Variants in CTNND2 observed in about 807,000 individuals in gnomAD.
The protein encoded by CTNND2 is catenin delta 2, also known as catenin delta-2.
CTNND2 carries 22 observed loss-of-function variants against 144.4 expected under a neutral mutation model. The observed-to-expected ratio is 0.15, with a 90% confidence interval of 0.11 to 0.22. CTNND2 has a LOEUF of 0.22. Ranked by LOEUF, CTNND2 falls within the 10% of genes least tolerant of loss-of-function variation. The pLI, the probability that CTNND2 is intolerant of heterozygous loss-of-function variation, is 1.00. For synonymous variants in CTNND2, 751 were observed against 695.6 expected, an observed-to-expected ratio of 1.08 and a Z score of -1.25; for missense variants, 1,353 against 1,618.8, an observed-to-expected ratio of 0.84 and a Z score of 2.82.
chr5:11,120,121 A>T (rs546417099), intron 12 of CTNND2, among the ~76,000 whole-genome samples: 1 of 152,354 alleles, frequency 6.6e-6, no homozygotes, highest in African/African-American at 2.4e-5. Context: ...ATTGGCTACT[A>T]TATTACAATG....
chr5:11,716,894 A>T (rs1786383256), intron 2 of CTNND2, among the ~76,000 whole-genome samples: 1 of 151,284 alleles, frequency 6.6e-6, no homozygotes. Flanking sequence ...TTTGAGATGG[A>T]GTCTCACTTT....
At chr5:11,793,910 G>A (rs2126873620) in intron 1 of CTNND2, among the ~76,000 whole-genome samples, 1 of 152,298 alleles carries the variant, frequency 6.6e-6, no homozygotes, top group South Asian at 2.1e-4. Flanking sequence ...TCATGTGACA[G>A]TTTTCATAGA....
intron 9 of CTNND2, among the ~76,000 whole-genome samples, chr5:11,276,545 C>T (rs1207091271): frequency 2.0e-5 from 3 of 152,168 alleles, no homozygotes; most frequent in African/African-American, 7.2e-5. Flanking sequence ...ATGGTATTCC[C>T]ATCCAGTCTC....
chr5:11,705,957 G>C (rs572866216), intron 2 of CTNND2, among the ~76,000 whole-genome samples: 10 of 152,324 alleles, frequency 6.6e-5, no homozygotes, highest in African/African-American at 2.4e-4. Context: ...GCTAGCTAGA[G>C]GAAGCAGCAG....
chr5:11,443,351 G>GT (rs1275852717), intron 3 of CTNND2, among the ~76,000 whole-genome samples: 1 of 58,578 alleles, frequency 1.7e-5, no homozygotes, highest in African/African-American at 9.8e-5. Context: ...GGGAGTGTGT[G>GT]GGAGGGTGTG....
intron 2 of CTNND2, among the ~76,000 whole-genome samples, chr5:11,716,004 T>G (rs1489963248): frequency 6.6e-6 from 1 of 152,150 alleles, no homozygotes; most frequent in Admixed American, 6.5e-5. Flanking sequence ...CAATACATAA[T>G]AATGCTGGCA....
At chr5:11,220,094 C>T (rs1739635197) in intron 10 of CTNND2, among the ~76,000 whole-genome samples, 1 of 151,726 alleles carries the variant, frequency 6.6e-6, no homozygotes, top group Non-Finnish European at 1.5e-5. Flanking sequence ...AGTGTCTTCA[C>T]AACATGAGAG....
At position 11,384,314 on chromosome 5, in the gene CTNND2, CT is replaced by C. The variant is rs1483787331; in HGVS notation, c.1177+350del. Among the ~76,000 whole-genome samples, 2 of 152,070 alleles carry C rather than the reference CT, an allele frequency of 1.3e-5. No individual in the cohort carries two copies. Among genetic ancestry groups the C allele is most frequent in the Admixed American group, 1.3e-4 (2 of 15,262 alleles). ...AATACTGCAACTGTTACTTGTTTTG[CT>C]TTTTTTCTGGATACCATCAACAGGT... is the stretch of plus-strand genomic sequence containing the variant. On this transcript the variant is annotated intron_variant, in intron 7 of 21. Coordinates refer to ENST00000304623, the MANE Select transcript of CTNND2 (RefSeq NM_001332.4). The surrounding 1 kb of genome is among the most constrained non-coding windows in gnomAD (Gnocchi z 5.2).
intron 3 of CTNND2, among the ~76,000 whole-genome samples, chr5:11,439,276 AG>A (rs2149889187): frequency 6.6e-6 from 1 of 152,220 alleles, no homozygotes; most frequent in Non-Finnish European, 1.5e-5. Context: ...TTAATTCCTT[AG>A]GGGTAGACCT....
At chr5:11,850,270 G>C (rs1358689778) in intron 1 of CTNND2, among the ~76,000 whole-genome samples, 1 of 151,946 alleles carries the variant, frequency 6.6e-6, no homozygotes, top group Admixed American at 6.6e-5. Context: ...ATGGAAATGA[G>C]AAATATAAGT....
At chr5:11,017,915 G>A (rs1393014777) in intron 18 of CTNND2, 59 bp downstream of exon 18, 11 of 1,323,932 alleles carry the variant, frequency 8.3e-6, no homozygotes, top group Admixed American at 1.7e-5. Flanking sequence ...CGTCTGTGAC[G>A]CCTCTCAGGG....
At chr5:11,276,371 T>C (rs559672009) in intron 9 of CTNND2, among the ~76,000 whole-genome samples, 1 of 152,192 alleles carries the variant, frequency 6.6e-6, no homozygotes, top group African/African-American at 2.4e-5. Flanking sequence ...CCACTCCTCC[T>C]TGAAGCACTC....
chr5:11,551,409 C>T (rs1467513995), intron 3 of CTNND2, among the ~76,000 whole-genome samples: 2 of 148,012 alleles, frequency 1.4e-5, no homozygotes, highest in Non-Finnish European at 3.0e-5. Context: ...CATGTTTTAG[C>T]ATATTTATGC....
intron 1 of CTNND2, among the ~76,000 whole-genome samples, chr5:11,789,374 C>T (rs1791016563): frequency 6.6e-6 from 1 of 152,130 alleles, no homozygotes; most frequent in South Asian, 2.1e-4. Context: ...CATTCACAAA[C>T]CTTCTACTGT....
At chr5:11,429,346 T>A (rs909447929) in intron 3 of CTNND2, among the ~76,000 whole-genome samples, 1 of 152,218 alleles carries the variant, frequency 6.6e-6, no homozygotes, top group Non-Finnish European at 1.5e-5. Flanking sequence ...TAGTGGCTTC[T>A]AATTGGGGAC....
intron 3 of CTNND2, among the ~76,000 whole-genome samples, chr5:11,534,230 C>T (rs545827351): frequency 2.0e-5 from 3 of 152,326 alleles, no homozygotes; most frequent in East Asian, 3.9e-4. Context: ...CTGACTCCCA[C>T]AGTTACATCA....
At chr5:11,410,934 C>T (rs1761477418) in intron 5 of CTNND2, among the ~76,000 whole-genome samples, 2 of 151,326 alleles carry the variant, frequency 1.3e-5, no homozygotes, top group Admixed American at 6.6e-5. Context: ...TACAGTGGCG[C>T]AATCTCGGCT....
chr5:11,430,673 T>C (rs1408853048), intron 3 of CTNND2, among the ~76,000 whole-genome samples: 1 of 152,204 alleles, frequency 6.6e-6, no homozygotes, highest in Non-Finnish European at 1.5e-5. Flanking sequence ...ATCTACTGTT[T>C]AATTAACATA....
At chr5:11,781,472 C>G (rs1316287714) in intron 1 of CTNND2, among the ~76,000 whole-genome samples, 1 of 152,146 alleles carries the variant, frequency 6.6e-6, no homozygotes, top group African/African-American at 2.4e-5. Context: ...TTCCTTTCCC[C>G]CAGGAGTCTG....
Sources: gnomAD v4.1 joint callset for allele counts (sites outside exome capture counted in the v4.1 genomes callset) on GRCh38, gnomAD v4.1.1 for gene constraint, Gnocchi (gnomAD v3.1) non-coding constraint, MANE v1.5 for transcripts, NCBI Gene and HGNC (gene_info 2026-07-23, HGNC 2026-07-21) for gene names.